Variants in AGMO observed in about 807,000 individuals in gnomAD.
The protein encoded by AGMO is glyceryl-ether monooxygenase.
Under a neutral mutation model 60.2 loss-of-function variants are expected in AGMO, and 75 were observed. The observed-to-expected ratio is 1.25, with a 90% CI of 1.03 to 1.51. The LOEUF is 1.51. Ranked by LOEUF, AGMO falls within the 40% of genes most tolerant of loss-of-function variation. The probability of loss-of-function intolerance (pLI) is 0.00; values close to 1 mark genes in which losing one functional copy is unlikely to be tolerated. For synonymous variants in AGMO, 261 were observed against 177.1 expected, an observed-to-expected ratio of 1.47 and a Z score of -3.76; for missense variants, 763 against 525.5, an observed-to-expected ratio of 1.45 and a Z score of -4.42.
At chr7:15,330,544 T>G (rs1055042271) in intron 12 of AGMO, among the ~76,000 whole-genome samples, 15 of 152,192 alleles carry the variant, frequency 9.9e-5, no homozygotes, top group African/African-American at 3.4e-4. Flanking sequence ...TTTGAGATTT[T>G]TGAGGTTAGG....
chr7:15,529,478 C>T (rs1395071771), intron 3 of AGMO, among the ~76,000 whole-genome samples: 1 of 139,768 alleles, frequency 7.2e-6, no homozygotes, highest in Non-Finnish European at 1.5e-5. Context: ...GGTTCTACCC[C>T]CTAGAGATTC....
chr7:15,531,042 ATATATTCTATATATATTCTG>A (rs1562556539), intron 3 of AGMO, among the ~76,000 whole-genome samples: 7 of 60,012 alleles, frequency 1.2e-4, no homozygotes, highest in African/African-American at 5.0e-4. Flanking sequence ...TATATTCTAT[ATATATTCTATATATATTCTG>A]TATATATTCT....
chr7:15,212,103 T>C (rs1387554895), intron 12 of AGMO, among the ~76,000 whole-genome samples: 2 of 151,940 alleles, frequency 1.3e-5, no homozygotes, highest in Admixed American at 1.3e-4. Context: ...ATCAAAACTC[T>C]TGAAAACCTA....
At chr7:15,452,525 C>A (rs1395055339) in intron 3 of AGMO, among the ~76,000 whole-genome samples, 3 of 152,090 alleles carry the variant, frequency 2.0e-5, no homozygotes, top group East Asian at 3.9e-4. Flanking sequence ...AAATCAAAAC[C>A]ACAATTACAT....
chr7:15,146,119 T>C, the AGMO span, among the ~76,000 whole-genome samples: 2 of 152,168 alleles, frequency 1.3e-5, no homozygotes, highest in African/African-American at 2.4e-5. Flanking sequence ...AAATCTGCTA[T>C]AGCACAGTTA....
intron 10 of AGMO, among the ~76,000 whole-genome samples, chr7:15,369,114 T>C (rs1285739646): frequency 6.6e-6 from 1 of 152,096 alleles, no homozygotes; most frequent in Non-Finnish European, 1.5e-5. Flanking sequence ...TCAAGAGATA[T>C]ATTTAAAATA....
the AGMO span, among the ~76,000 whole-genome samples, chr7:15,135,447 C>A: frequency 6.6e-6 from 1 of 152,156 alleles, no homozygotes; most frequent in South Asian, 2.1e-4. Context: ...ATGAAACAGC[C>A]ATATATTTTG....
chr7:15,254,625 T>C (rs1783044035), intron 12 of AGMO, among the ~76,000 whole-genome samples: 3 of 152,240 alleles, frequency 2.0e-5, no homozygotes, highest in Non-Finnish European at 4.4e-5. Context: ...ATCTGGATGT[T>C]ATCCCCTTTA....
At chr7:15,172,204 T>G in the AGMO span, among the ~76,000 whole-genome samples, 61,696 of 152,174 alleles carry the variant, frequency 0.41, 13,136 homozygotes, top group East Asian at 0.71. Context: ...AAAATAAGTA[T>G]TCGTGGTCAC....
chr7:15,135,182 G>C, the AGMO span, among the ~76,000 whole-genome samples: 1 of 150,274 alleles, frequency 6.7e-6, no homozygotes, highest in African/African-American at 2.4e-5. Context: ...GTGTGTGTGT[G>C]TGTGTGTGTC....
the AGMO span, among the ~76,000 whole-genome samples, chr7:15,124,351 C>A: frequency 6.6e-6 from 1 of 151,768 alleles, no homozygotes; most frequent in Non-Finnish European, 1.5e-5. Flanking sequence ...ATATGCGTGG[C>A]CAGATTTTTT....
In AGMO at chr7:15,384,021, T is replaced by C. The variant is rs1339811188; in HGVS notation, c.1074+1425A>G. On this transcript the variant is annotated intron_variant, in intron 10 of 12. Coordinates refer to ENST00000342526, the MANE Select transcript of AGMO (RefSeq NM_001004320.2). ...CGCGATCTCGGCTCACTGCAAGCTCTGCCTCCCAGGTTCACGTCATTCTTC... is the reference window on the plus strand; with the variant it reads ...CGCGATCTCGGCTCACTGCAAGCTCCGCCTCCCAGGTTCACGTCATTCTTC... Among the ~76,000 whole-genome samples, 5 of 152,044 alleles carry C rather than the reference T, an allele frequency of 3.3e-5. No individual in the cohort carries two copies. The South Asian group carries it at 6.2e-4, about 19-fold the overall frequency.
intron 8 of AGMO, among the ~76,000 whole-genome samples, chr7:15,390,190 CA>C (rs1350651550): frequency 6.6e-6 from 1 of 152,064 alleles, no homozygotes; most frequent in Non-Finnish European, 1.5e-5. Flanking sequence ...TCCAGTCCAA[CA>C]AGTCTTAGCA....
intron 12 of AGMO, among the ~76,000 whole-genome samples, chr7:15,251,267 C>G (rs1225350944): frequency 6.6e-6 from 1 of 152,062 alleles, no homozygotes; most frequent in Non-Finnish European, 1.5e-5. Context: ...TAGATACCCT[C>G]CTAGAGATTT....
At chr7:15,462,630 A>G (rs1438170147) in intron 3 of AGMO, among the ~76,000 whole-genome samples, 1 of 152,278 alleles carries the variant, frequency 6.6e-6, no homozygotes, top group South Asian at 2.1e-4. Context: ...ATCTATCTAC[A>G]TTTCTGGTTC....
intron 12 of AGMO, among the ~76,000 whole-genome samples, chr7:15,356,732 G>A (rs2128557085): frequency 6.6e-6 from 1 of 151,484 alleles, no homozygotes; most frequent in South Asian, 2.1e-4. Context: ...TCTCTCAAAT[G>A]CTATATGAAA....
chr7:15,306,471 G>T, intron 12 of AGMO: 1 of 467,718 alleles, frequency 2.1e-6, no homozygotes, highest in Non-Finnish European at 4.4e-6. Flanking sequence ...ATGCACTTTG[G>T]GGTGGTTTCC....
At chr7:15,360,544 GTC>G (rs369761037) in intron 12 of AGMO, among the ~76,000 whole-genome samples, 34 of 152,212 alleles carry the variant, frequency 2.2e-4, no homozygotes, top group African/African-American at 7.5e-4. Context: ...CATCATAAAG[GTC>G]TCTTTTTCTC....
intron 12 of AGMO, among the ~76,000 whole-genome samples, chr7:15,361,795 C>T (rs1782778684): frequency 6.6e-6 from 1 of 152,066 alleles, no homozygotes; most frequent in South Asian, 2.1e-4. Context: ...GATAGGCACA[C>T]ACCTCCCAAA....
Sources: gnomAD v4.1 joint callset for allele counts (sites outside exome capture counted in the v4.1 genomes callset) on GRCh38, gnomAD v4.1.1 for gene constraint, MANE v1.5 for transcripts, NCBI Gene and HGNC (gene_info 2026-07-23, HGNC 2026-07-21) for gene names.